Variants in NVL observed in about 807,000 individuals in gnomAD.
NVL encodes the protein nuclear VCP like.
Under a neutral mutation model 110.2 loss-of-function variants are expected in NVL, and 84 were observed. The ratio of observed to expected loss-of-function variants is 0.76; its 90% confidence interval spans 0.64 to 0.91. The LOEUF is 0.91. Among genes scored for constraint, NVL ranks in the 40% least tolerant of loss-of-function variants. NVL has a pLI of 0.00. For missense variants in NVL, 882 were observed against 1,035.9 expected (o/e 0.85, Z 2.04); for synonymous variants, 354 against 361.1 (o/e 0.98, Z 0.22).
At chr1:224,322,822 C>T (rs1670787775) in intron 2 of NVL, among the ~76,000 whole-genome samples, 2 of 152,078 alleles carry the variant, frequency 1.3e-5, no homozygotes, top group Non-Finnish European at 1.5e-5. Context: ...GGCATGGTGG[C>T]GTGCACCCGT....
At chr1:224,307,473 G>A (rs1458471984) in intron 6 of NVL, among the ~76,000 whole-genome samples, 5 of 152,126 alleles carry the variant, frequency 3.3e-5, no homozygotes, top group East Asian at 3.8e-4. Context: ...AGTCCGAGGC[G>A]GGTGGATTGC....
intron 19 of NVL, among the ~76,000 whole-genome samples, chr1:224,245,681 C>G (rs1194579067): frequency 6.6e-6 from 1 of 152,108 alleles, no homozygotes; most frequent in Non-Finnish European, 1.5e-5. Flanking sequence ...TTTGGCCCAG[C>G]ATGGTGGCTC....
At chr1:224,248,863 T>A (rs1662148894) in intron 19 of NVL, among the ~76,000 whole-genome samples, 1 of 152,192 alleles carries the variant, frequency 6.6e-6, no homozygotes, top group Admixed American at 6.5e-5. Flanking sequence ...CAGGAAGAAC[T>A]GCCAAGGTAT....
intron 17 of NVL, among the ~76,000 whole-genome samples, chr1:224,273,850 A>C (rs1326343499): frequency 1.3e-5 from 2 of 152,310 alleles, no homozygotes; most frequent in East Asian, 3.9e-4. Flanking sequence ...ATCAAAGATA[A>C]GCCTGTAGTA....
At chr1:224,287,590 C>T (rs1203254069) in intron 14 of NVL, among the ~76,000 whole-genome samples, 185 bp downstream of exon 14, 1 of 152,036 alleles carries the variant, frequency 6.6e-6, no homozygotes, top group Non-Finnish European at 1.5e-5. Flanking sequence ...ATAAACAAAT[C>T]GGATCTCAAA....
At chr1:224,255,181 GGT>G (rs1491172850) in intron 18 of NVL, among the ~76,000 whole-genome samples, 1 of 87,324 alleles carries the variant, frequency 1.1e-5, no homozygotes, top group African/African-American at 3.8e-5. Context: ...AAATGGTGTA[GGT>G]TTTTTTTTTT....
chr1:224,231,477 T>C (rs970937698), intron 21 of NVL, among the ~76,000 whole-genome samples, 181 bp from the exon 22 acceptor site: 3 of 152,210 alleles, frequency 2.0e-5, no homozygotes, highest in African/African-American at 7.2e-5. Flanking sequence ...CATCAGATTT[T>C]AATCCAAAAC....
At chr1:224,316,739 A>G (rs1486234996) in intron 4 of NVL, among the ~76,000 whole-genome samples, 1 of 152,048 alleles carries the variant, frequency 6.6e-6, no homozygotes, top group Non-Finnish European at 1.5e-5. Context: ...GCAAAGCGGA[A>G]CAAGAAGACT....
chr1:224,310,179 A>G (rs1396030355), intron 5 of NVL, among the ~76,000 whole-genome samples: 2 of 131,904 alleles, frequency 1.5e-5, no homozygotes, highest in South Asian at 4.9e-4. Flanking sequence ...ACTCCCTCGC[A>G]AAAAAAAAAA....
chr1:224,261,731 C>T (rs944559863), intron 18 of NVL, among the ~76,000 whole-genome samples: 2 of 151,998 alleles, frequency 1.3e-5, no homozygotes, highest in African/African-American at 4.8e-5. Flanking sequence ...GTGGGAGGAT[C>T]GCTTGAGCCC....
chr1:224,328,075 C>T (rs1276185152), intron 1 of NVL, among the ~76,000 whole-genome samples: 1 of 151,790 alleles, frequency 6.6e-6, no homozygotes, highest in East Asian at 1.9e-4. Flanking sequence ...TTTCCCCCCC[C>T]TTTTTTTTAG....
At chr1:224,258,874 G>A (rs557337717) in intron 18 of NVL, among the ~76,000 whole-genome samples, 2 of 151,226 alleles carry the variant, frequency 1.3e-5, no homozygotes, top group East Asian at 3.9e-4. Context: ...GGCCAGTAGC[G>A]ACACATGCCT....
intron 19 of NVL, among the ~76,000 whole-genome samples, chr1:224,246,817 C>G (rs1297560074): frequency 6.6e-6 from 1 of 151,892 alleles, no homozygotes; most frequent in African/African-American, 2.4e-5. Flanking sequence ...GGGCGGATCA[C>G]TTGAAGTCAG....
intron 4 of NVL, among the ~76,000 whole-genome samples, chr1:224,314,831 C>T (rs1042178116): frequency 2.6e-5 from 4 of 151,960 alleles, no homozygotes; most frequent in South Asian, 2.1e-4. Flanking sequence ...ATTAGTAAAT[C>T]GAATCCAATT....
In NVL at chr1:224,239,218, G is replaced by A. The variant is rs1660880173; in HGVS notation, c.2290-2636C>T. 2.0e-5 allele frequency among the ~76,000 whole-genome samples: 3 copies of A among 152,132 alleles called. No homozygotes were observed. In the South Asian group the frequency reaches 6.2e-4, roughly 32 times the overall value. ...ACCTAAACAGTGCAAGTAACACTGG[G>A]CGAGGAATTAGAAAACCTGAGTTCT... On this transcript the variant is annotated intron_variant, in intron 19 of 22. Coordinates refer to ENST00000281701, the MANE Select transcript of NVL (RefSeq NM_002533.4).
intron 19 of NVL, among the ~76,000 whole-genome samples, chr1:224,247,061 A>C (rs1046219186): frequency 2.0e-5 from 3 of 151,756 alleles, no homozygotes; most frequent in African/African-American, 7.3e-5. Context: ...GTGTCAAAAA[A>C]AAAAAAAAAA....
intron 12 of NVL, among the ~76,000 whole-genome samples, chr1:224,290,468 C>T (rs1405652284): frequency 6.6e-5 from 10 of 151,928 alleles, no homozygotes; most frequent in Admixed American, 5.9e-4. Flanking sequence ...ATTAGCCTGG[C>T]CAACATGGCA....
At position 224,296,580 on chromosome 1, in the gene NVL, A is replaced by G. The variant is rs1224995937; in HGVS notation, c.1101T>C (p.Asp367=). ...CCACTTCTCTTTTGGGGGTAATAGC[A>G]TCAATTTCATCAATGAAAATGATAC... The part of the protein sequence containing the change: ...APCIIFIDEI[D]AITPKREVAS... The change falls in exon 11 of 23, where the codon GAT becomes GAC. Residue 367 remains aspartate (D), a synonymous_variant. Transcript: ENST00000281701. 2 of 1,598,332 alleles carry G rather than the reference A, an allele frequency of 1.3e-6. No individual in the cohort carries two copies. The highest frequency in any genetic ancestry group is 1.7e-6 in the Non-Finnish European group (2 of 1,174,918).
At chr1:224,258,824 T>C (rs1663592614) in intron 18 of NVL, among the ~76,000 whole-genome samples, 2 of 151,912 alleles carry the variant, frequency 1.3e-5, no homozygotes, top group South Asian at 2.1e-4. Context: ...ACATAAAATA[T>C]CCAGAATAGA....
Sources: gnomAD v4.1 joint callset for allele counts (sites outside exome capture counted in the v4.1 genomes callset) on GRCh38, gnomAD v4.1.1 for gene constraint, MANE v1.5 for transcripts, NCBI Gene and HGNC (gene_info 2026-07-23, HGNC 2026-07-21) for gene names.